SPAG9: variants seen among roughly 807,000 people sequenced by gnomAD.
The protein encoded by SPAG9 is sperm associated antigen 9.
Under a neutral mutation model 166.5 loss-of-function variants are expected in SPAG9, and 35 were observed. The ratio of observed to expected loss-of-function variants is 0.21; its 90% confidence interval spans 0.16 to 0.28. SPAG9 has a LOEUF of 0.28. Among genes scored for constraint, SPAG9 ranks in the 10% least tolerant of loss-of-function variants. The pLI is 1.00. For missense variants in SPAG9, 1,235 were observed against 1,603.3 expected, an observed-to-expected ratio of 0.77 and a Z score of 3.92; for synonymous variants, 534 against 565.5, an observed-to-expected ratio of 0.94 and a Z score of 0.79.
rs749545909 is a variant in SPAG9 at position 50,998,465 on chromosome 17, G to C, written c.1817C>G (p.Ala606Gly). The change falls in exon 15 of 30, where the codon GCC becomes GGC. Residue 606 changes from alanine to glycine, a missense_variant. Ala to Gly is a moderately conservative substitution (Grantham distance 60). Coordinates refer to ENST00000262013, the MANE Select transcript of SPAG9 (RefSeq NM_001130528.3). Reference sequence around the variant, plus strand: ...TTACTCTTCACTAAGGAAATCAAAGGCTTTGGACTTATCCCCAGGGAGCTG... The same window carrying C: ...TTACTCTTCACTAAGGAAATCAAAGCCTTTGGACTTATCCCCAGGGAGCTG... The part of the protein sequence containing the change: ...LSQLPGDKSK[A>G]FDFLSEETEA... 4 of 1,613,878 alleles carry C rather than the reference G, an allele frequency of 2.5e-6. No homozygotes were observed. In the African/African-American group the frequency reaches 4.0e-5, roughly 16 times the overall value.
intron 1 of SPAG9, among the ~76,000 whole-genome samples, chr17:51,088,351 T>G (rs2048355471): frequency 6.6e-6 from 1 of 152,186 alleles, no homozygotes; most frequent in Non-Finnish European, 1.5e-5. Flanking sequence ...AATAACATGT[T>G]AAATATAAAA....
chr17:50,990,444 A>G lies in SPAG9; in HGVS notation c.2617+6T>C. 4 of 1,603,588 alleles carry G rather than the reference A, an allele frequency of 2.5e-6. No individual in the cohort carries two copies. The highest frequency in any genetic ancestry group is 2.6e-6 in the Non-Finnish European group (3 of 1,170,326). On this transcript the variant is annotated splice_donor_region_variant and intron_variant, in intron 20 of 29. Coordinates refer to ENST00000262013, the MANE Select transcript of SPAG9 (RefSeq NM_001130528.3). ...TACAGATGGCAGGTAAAGAGAATGG[A>G]TATACCTGGTGGTTTATCCATCACT... is the stretch of plus-strand genomic sequence containing the variant.
At chr17:51,090,835 A>G (rs1220829099) in intron 1 of SPAG9, among the ~76,000 whole-genome samples, 3 of 152,236 alleles carry the variant, frequency 2.0e-5, no homozygotes, top group Admixed American at 1.3e-4. Flanking sequence ...CTTTCATATA[A>G]CATGATTTCT....
intron 1 of SPAG9, among the ~76,000 whole-genome samples, chr17:51,080,657 C>G (rs1448057273): frequency 6.6e-6 from 1 of 151,848 alleles, no homozygotes; most frequent in Non-Finnish European, 1.5e-5. Context: ...CTGAGGAGAG[C>G]AGATCACAAG....
chr17:51,008,544 C>A (rs1326769578), intron 9 of SPAG9, among the ~76,000 whole-genome samples: 3 of 151,906 alleles, frequency 2.0e-5, no homozygotes, highest in African/African-American at 7.3e-5. Flanking sequence ...GTTAACATGT[C>A]CCTTTATTTT....
chr17:51,007,183 T>C, intron 10 of SPAG9, 86 bp downstream of exon 10: 1 of 707,652 alleles, frequency 1.4e-6, no homozygotes, highest in African/African-American at 1.8e-5. Context: ...GAGATTCCAT[T>C]AGTATTATGT....
intron 11 of SPAG9, 104 bp downstream of exon 11, chr17:51,005,981 C>T (rs1199000115): frequency 7.3e-7 from 1 of 1,364,088 alleles, no homozygotes; most frequent in East Asian, 2.3e-5. Flanking sequence ...CTTGGCCTTC[C>T]AGGCTTGAGT....
intron 1 of SPAG9, among the ~76,000 whole-genome samples, chr17:51,118,396 G>C (rs2049360489): frequency 6.6e-6 from 1 of 152,190 alleles, no homozygotes; most frequent in South Asian, 2.1e-4. Flanking sequence ...GGGCAATTTT[G>C]TTTTCTGATT....
In SPAG9 at chr17:50,963,444, C is replaced by G. The variant is rs1280820858; in HGVS notation, c.*2828G>C. 2.0e-5 allele frequency: 3 copies of G among 152,162 alleles called. No individual in the cohort carries two copies. Among genetic ancestry groups the G allele is most frequent in the Non-Finnish European group, 4.4e-5 (3 of 68,010 alleles). 9.4% of individuals were successfully genotyped at this position (152,162 alleles called of 1,614,324 possible). A position where few individuals can be genotyped will look rare whatever the true frequency, so the allele number is the denominator to read the frequency against. On this transcript the variant is annotated 3_prime_UTR_variant, in exon 30 of 30. Coordinates refer to ENST00000262013, the MANE Select transcript of SPAG9 (RefSeq NM_001130528.3). ...GAAAATATTTAACTGAAATTACAAA[C>G]ATAAGGACAAGCCTTTAAAGCAAAT...
intron 4 of SPAG9, among the ~76,000 whole-genome samples, chr17:51,042,726 C>T (rs1186988052): frequency 6.6e-6 from 1 of 152,142 alleles, no homozygotes; most frequent in East Asian, 1.9e-4. Flanking sequence ...CCATTCCTAA[C>T]AATCTAAAAG....
intron 2 of SPAG9, among the ~76,000 whole-genome samples, chr17:51,061,813 A>T (rs1461432728): frequency 6.6e-6 from 1 of 151,986 alleles, no homozygotes; most frequent in African/African-American, 2.4e-5. Context: ...TTCTATCATT[A>T]ATTCCTTCAG....
At position 50,962,364 on chromosome 17, in the gene SPAG9, G is replaced by GC. The variant is rs2143488879; in HGVS notation, c.*3907dup. The GC allele has an allele frequency of 6.6e-6, 1 of 152,244 alleles. No individual in the cohort carries two copies. The highest frequency in any genetic ancestry group is 2.1e-4 in the South Asian group (1 of 4,830). 9.4% of individuals were successfully genotyped at this position (152,244 alleles called of 1,614,324 possible). A position where few individuals can be genotyped will look rare whatever the true frequency, so the allele number is the denominator to read the frequency against. ...AGAACCCATTTTTCAGATTATAGAG[G>GC]CAAGTAAAATTCTGATAGAATGTCT... On this transcript the variant is annotated 3_prime_UTR_variant, in exon 30 of 30. Transcript: ENST00000262013.
At chr17:50,966,425 C>T (rs201214240) in intron 29 of SPAG9, 38 bp from the exon 30 acceptor site, 16 of 1,234,298 alleles carry the variant, frequency 1.3e-5, no homozygotes, top group Middle Eastern at 1.9e-4. Context: ...AGGCTGAACA[C>T]ATAAAATATA....
At chr17:51,020,769 C>T (rs2045909314) in intron 7 of SPAG9, among the ~76,000 whole-genome samples, 1 of 152,154 alleles carries the variant, frequency 6.6e-6, no homozygotes, top group Admixed American at 6.5e-5. Context: ...CACCACAATA[C>T]CAAAATCCAT....
At chr17:51,010,920 T>G (rs1158886219) in intron 9 of SPAG9, among the ~76,000 whole-genome samples, 1 of 151,786 alleles carries the variant, frequency 6.6e-6, no homozygotes, top group Non-Finnish European at 1.5e-5. Flanking sequence ...CAAGAAACAA[T>G]GAGAGCAAAC....
At position 51,046,524 on chromosome 17, in the gene SPAG9, G is replaced by A. The variant is rs1020619357; in HGVS notation, c.590+851C>T. ...CCTGAGTATCCTTGGTAGGTTCTGC[G>A]TCAGAGCTGGCACACCGGTAGAAAT... On this transcript the variant is annotated intron_variant, in intron 4 of 29. Coordinates refer to ENST00000262013, the MANE Select transcript of SPAG9 (RefSeq NM_001130528.3). 8.5e-6 allele frequency: 13 copies of A among 1,536,104 alleles called. No individual in the cohort carries two copies. In the Admixed American group the frequency reaches 9.8e-5, roughly 12 times the overall value.
intron 2 of SPAG9, among the ~76,000 whole-genome samples, chr17:51,077,902 C>T (rs547000734): frequency 2.0e-4 from 31 of 152,080 alleles, no homozygotes; most frequent in Non-Finnish European, 3.2e-4. Context: ...CTGCACGCCT[C>T]GGCAGCCTCC....
At chr17:51,055,164 G>A (rs959749031) in intron 3 of SPAG9, among the ~76,000 whole-genome samples, 2 of 152,082 alleles carry the variant, frequency 1.3e-5, no homozygotes, top group African/African-American at 4.8e-5. Context: ...CCTGGCCAAC[G>A]TGGAGAAACC....
intron 1 of SPAG9, among the ~76,000 whole-genome samples, chr17:51,097,464 G>A (rs865926408): frequency 1.3e-5 from 2 of 152,054 alleles, no homozygotes; most frequent in Non-Finnish European, 2.9e-5. Context: ...AAGACAGCTT[G>A]CACCCAGGAA....
Sources: allele counts gnomAD v4.1 joint callset (sites outside exome capture counted in the v4.1 genomes callset), GRCh38; gene constraint gnomAD v4.1.1; transcripts MANE v1.5; gene names NCBI Gene and HGNC (gene_info 2026-07-23, HGNC 2026-07-21).